The following TINAG variants were observed in gnomAD, a reference collection of about 807,000 sequenced individuals.
TINAG encodes tubulointerstitial nephritis antigen.
TINAG carries 83 observed loss-of-function variants against 72.7 expected under a neutral mutation model. That is an observed-to-expected ratio of 1.14 (90% CI 0.96 to 1.37). The LOEUF (loss-of-function observed/expected upper bound fraction) is 1.37, where lower values mean the gene tolerates loss of function less well. TINAG is among the 40% of genes most tolerant of loss of function. TINAG has a pLI of 0.00. For missense variants in TINAG, 685 were observed against 576.6 expected, an observed-to-expected ratio of 1.19 and a Z score of -1.93; for synonymous variants, 234 against 189.9, an observed-to-expected ratio of 1.23 and a Z score of -1.91.
chr6:54,342,317 G>A (rs1785015583), intron 4 of TINAG, among the ~76,000 whole-genome samples: 1 of 151,496 alleles, frequency 6.6e-6, no homozygotes, highest in African/African-American at 2.4e-5. Flanking sequence ...GGGCTCTTAA[G>A]AAACCATAAT....
chr6:54,347,417 A>G lies in TINAG; in HGVS notation c.799A>G (p.Asn267Asp). 6.2e-7 allele frequency: 1 copy of G among 1,613,280 alleles called. No individual in the cohort carries two copies. The highest frequency in any genetic ancestry group is 1.1e-5 in the South Asian group (1 of 91,066). Residue 267 changes from asparagine to aspartate, a missense_variant, in exon 6 of 11, where the codon AAT (asparagine) becomes GAT (aspartate). Asn to Asp is a conservative substitution (Grantham distance 23, BLOSUM62 1). Transcript: ENST00000259782. ...AIQSKGRYTA[N>D]LSPQNLISCC... ...TCAGTCTAAGGGTCGATACACGGCCAATCTATCCCCTCAGAATTTGATCTC... is the reference window on the plus strand; with the variant it reads ...TCAGTCTAAGGGTCGATACACGGCCGATCTATCCCCTCAGAATTTGATCTC...
intron 1 of TINAG, among the ~76,000 whole-genome samples, chr6:54,312,490 G>T (rs957831631): frequency 8.5e-5 from 13 of 152,052 alleles, no homozygotes; most frequent in African/African-American, 3.1e-4. Flanking sequence ...ACATAATGGA[G>T]AAATGTAGAT....
At chr6:54,343,500 A>G in intron 5 of TINAG, 151 bp downstream of exon 5, 2 of 871,762 alleles carry the variant, frequency 2.3e-6, no homozygotes, top group Non-Finnish European at 3.0e-6. Context: ...AGTAACCTGA[A>G]GATTATATAA....
rs569170928 is a variant in TINAG at position 54,333,494 on chromosome 6, C to T, written c.624+6578C>T. ...GGATTGGGGGCTAGGGGAGGGATAG[C>T]GTTAGGAGAAATATCTAATGTAGAT... On this transcript the variant is annotated intron_variant, in intron 4 of 10. Transcript: ENST00000259782. Among the ~76,000 whole-genome samples the T allele has an allele frequency of 2.4e-3, 358 of 151,988 alleles. 3 individuals carry two copies. The highest frequency in any genetic ancestry group is 6.6e-3 in the African/African-American group (274 of 41,450).
intron 1 of TINAG, among the ~76,000 whole-genome samples, chr6:54,310,066 CT>C: frequency 9.1e-6 from 1 of 109,990 alleles, no homozygotes; most frequent in Non-Finnish European, 1.9e-5. Context: ...TTTTTCCTTC[CT>C]TTTTTTTCCG....
chr6:54,380,527 T>G lies in TINAG; in HGVS notation c.1252T>G (p.Trp418Gly). Reference protein sequence around the residue: ...LQTHAVKLTGWGTLRGAQGQK... With the variant: ...LQTHAVKLTGGGTLRGAQGQK... ...CTTTATTATTGTTATTAATTGTAGA[T>G]GGGGCACACTGAGAGGAGCACAAGG... Residue 418 changes from tryptophan (W) to glycine (G), a missense_variant and splice_region_variant, in exon 10 of 11, where the codon TGG (tryptophan) becomes GGG (glycine). Coordinates refer to ENST00000259782, the MANE Select transcript of TINAG (RefSeq NM_014464.4). 1 of 1,609,214 alleles carries G rather than the reference T, an allele frequency of 6.2e-7. No individual in the cohort carries two copies. The highest frequency in any genetic ancestry group is 8.5e-7 in the Non-Finnish European group (1 of 1,177,222).
chr6:54,378,741 T>C (rs913115128), intron 9 of TINAG, among the ~76,000 whole-genome samples: 1 of 152,170 alleles, frequency 6.6e-6, no homozygotes, highest in African/African-American at 2.4e-5. Context: ...TATTTCTTCT[T>C]CTTTCCATGC....
chr6:54,357,521 T>C (rs1763090759), intron 9 of TINAG, among the ~76,000 whole-genome samples: 1 of 151,984 alleles, frequency 6.6e-6, no homozygotes, highest in Admixed American at 6.6e-5. Flanking sequence ...TCTCCCTTTA[T>C]TCTTGCTAAA....
chr6:54,340,222 T>A lies in TINAG; in HGVS notation c.625-3004T>A, dbSNP rs145792908. On this transcript the variant is annotated intron_variant, in intron 4 of 10. Transcript: ENST00000259782. ...TTTGGCTAATACTGATTTGGAAATA[T>A]GGTTAGATCCTGATTAAAATATTTT... 2.6e-5 allele frequency among the ~76,000 whole-genome samples: 4 copies of A among 152,224 alleles called. No individual in the cohort carries two copies. In the South Asian group the frequency reaches 8.3e-4, roughly 32 times the overall value.
chr6:54,375,139 T>C (rs531724840), intron 9 of TINAG, among the ~76,000 whole-genome samples: 10 of 152,300 alleles, frequency 6.6e-5, no homozygotes, highest in African/African-American at 1.9e-4. Context: ...GATTCTTAGA[T>C]GGTTGTGAGA....
intron 10 of TINAG, among the ~76,000 whole-genome samples, chr6:54,385,403 G>A (rs533894568): frequency 6.6e-6 from 1 of 151,352 alleles, no homozygotes; most frequent in Non-Finnish European, 1.5e-5. Context: ...AGATGAAATG[G>A]ATAAATTTAT....
At chr6:54,330,525 C>T (rs557012983) in intron 4 of TINAG, among the ~76,000 whole-genome samples, 219 of 152,094 alleles carry the variant, frequency 1.4e-3, no homozygotes, top group Middle Eastern at 3.4e-3. Flanking sequence ...AACAGACACC[C>T]TAATATCACA....
Position 54,374,449 on chromosome 6 carries a change from T to G in TINAG, c.1251-6077T>G, listed in dbSNP as rs1002030394. On this transcript the variant is annotated intron_variant, in intron 9 of 10. Transcript: ENST00000259782. ...CATTTCATGTTGCTTTCCTGTGGAGTCTGTTTCTATCCATCTTTGATCTAG... is the reference window on the plus strand; with the variant it reads ...CATTTCATGTTGCTTTCCTGTGGAGGCTGTTTCTATCCATCTTTGATCTAG... Among the ~76,000 whole-genome samples the G allele has an allele frequency of 2.6e-5, 4 of 152,148 alleles. No homozygotes were observed. The South Asian group carries it at 6.2e-4, about 24-fold the overall frequency.
intron 4 of TINAG, among the ~76,000 whole-genome samples, chr6:54,342,970 T>C (rs1785033998): frequency 6.6e-6 from 1 of 152,184 alleles, no homozygotes; most frequent in South Asian, 2.1e-4. Context: ...CTGATATTAT[T>C]GCACTGTGCA....
At chr6:54,330,836 A>C (rs1306114687) in intron 4 of TINAG, among the ~76,000 whole-genome samples, 1 of 152,204 alleles carries the variant, frequency 6.6e-6, no homozygotes, top group Non-Finnish European at 1.5e-5. Flanking sequence ...ACCTCTATGC[A>C]AATAAACTAG....
At position 54,326,530 on chromosome 6, in the gene TINAG, T is replaced by C. The variant is rs1037740718; in HGVS notation, c.510-272T>C. Among the ~76,000 whole-genome samples, 4 of 152,128 alleles carry C rather than the reference T, an allele frequency of 2.6e-5. No individual in the cohort carries two copies. The South Asian group carries it at 8.3e-4, about 31-fold the overall frequency. ...AAGGAAACTGCATATATTGGCCTTA[T>C]TAACACTTAATCCCTTTGTGGGATT... On this transcript the variant is annotated intron_variant, in intron 3 of 10. Coordinates refer to ENST00000259782, the MANE Select transcript of TINAG (RefSeq NM_014464.4).
chr6:54,344,249 A>C (rs908083456), intron 5 of TINAG, among the ~76,000 whole-genome samples: 3 of 152,198 alleles, frequency 2.0e-5, no homozygotes, highest in African/African-American at 7.2e-5. Flanking sequence ...AAATGCTGAC[A>C]TCTTTGTCTA....
intron 4 of TINAG, among the ~76,000 whole-genome samples, chr6:54,336,666 TC>T (rs1465915507): frequency 1.3e-5 from 2 of 152,188 alleles, no homozygotes; most frequent in African/African-American, 2.4e-5. Flanking sequence ...AAAATTTGTT[TC>T]TTTAGCAATT....
chr6:54,319,931 A>G (rs1263304415), intron 1 of TINAG, among the ~76,000 whole-genome samples: 1 of 152,130 alleles, frequency 6.6e-6, no homozygotes, highest in African/African-American at 2.4e-5. Context: ...AGTGGTTTTT[A>G]TATGATAATG....
Sources: gnomAD v4.1 joint callset for allele counts (sites outside exome capture counted in the v4.1 genomes callset) on GRCh38, gnomAD v4.1.1 for gene constraint, MANE v1.5 for transcripts, NCBI Gene and HGNC (gene_info 2026-07-23, HGNC 2026-07-21) for gene names.